The following UCHL5 variants were observed in gnomAD, a reference collection of about 807,000 sequenced individuals.
The protein encoded by UCHL5 is ubiquitin C-terminal hydrolase L5, also known as ubiquitin carboxyl-terminal hydrolase isozyme L5.
A neutral mutation model predicts 53.8 loss-of-function variants in UCHL5; 34 were observed. The observed-to-expected ratio is 0.63, with a 90% CI of 0.48 to 0.84. The LOEUF (loss-of-function observed/expected upper bound fraction) is 0.84. Among genes scored for constraint, UCHL5 ranks in the 40% least tolerant of loss-of-function variants. The pLI, the probability that UCHL5 is intolerant of heterozygous loss-of-function variation, is 0.00. For missense variants in UCHL5, 290 were observed against 385.6 expected, an observed-to-expected ratio of 0.75 and a Z score of 2.08; for synonymous variants, 111 against 126.3, an observed-to-expected ratio of 0.88 and a Z score of 0.81.
At chr1:193,059,973 A>T (rs760194849), upstream of UCHL5, 1 of 1,366,382 alleles carries the variant, frequency 7.3e-7, no homozygotes, top group Admixed American at 1.9e-5. The surrounding 1 kb of genome is among the most constrained non-coding windows in gnomAD (Gnocchi z 4.9). Flanking sequence ...CGGTAGGGAC[A>T]TCCTCGCTAG....
At chr1:193,057,957 G>A (rs1671198843) in intron 1 of UCHL5, among the ~76,000 whole-genome samples, 2 of 152,148 alleles carry the variant, frequency 1.3e-5, no homozygotes, top group African/African-American at 2.4e-5. Context: ...TTGGGTGGGC[G>A]CGTGGCTCAC....
At chr1:193,035,639 C>G (rs781625235) in intron 3 of UCHL5, among the ~76,000 whole-genome samples, 1 of 151,806 alleles carries the variant, frequency 6.6e-6, no homozygotes, top group Non-Finnish European at 1.5e-5. Flanking sequence ...TGCGCAAAAC[C>G]AAAACATTTT....
chr1:193,025,955 C>A (rs895400431), intron 7 of UCHL5, among the ~76,000 whole-genome samples: 1 of 151,890 alleles, frequency 6.6e-6, no homozygotes. Flanking sequence ...ATAAATGGAA[C>A]AATGGACAGA....
At chr1:193,049,565 C>T in intron 3 of UCHL5, 181 bp downstream of exon 3, 1 of 436,574 alleles carries the variant, frequency 2.3e-6, no homozygotes. Context: ...ATAGATAATC[C>T]CAGAAACAAA....
chr1:193,031,112 T>C (rs1661210645), intron 3 of UCHL5, among the ~76,000 whole-genome samples: 1 of 152,264 alleles, frequency 6.6e-6, no homozygotes, highest in African/African-American at 2.4e-5. Context: ...TTTAGTAAAT[T>C]TGGATGCAAA....
At chr1:193,023,531 T>G (rs1657948586) in intron 8 of UCHL5, among the ~76,000 whole-genome samples, 1 of 152,212 alleles carries the variant, frequency 6.6e-6, no homozygotes, top group Non-Finnish European at 1.5e-5. Flanking sequence ...CTAACACTTA[T>G]TTAGCATTTA....
chr1:193,019,050 A>G (rs972176337), intron 10 of UCHL5, among the ~76,000 whole-genome samples: 1 of 151,462 alleles, frequency 6.6e-6, no homozygotes, highest in South Asian at 2.1e-4. Flanking sequence ...TTTTTTCCAA[A>G]ATAAGATGAA....
chr1:193,044,375 T>C (rs917527442), intron 3 of UCHL5, among the ~76,000 whole-genome samples: 1 of 152,112 alleles, frequency 6.6e-6, no homozygotes, highest in African/African-American at 2.4e-5. Context: ...GCAGCATGAT[T>C]TTAAGCAAGT....
intron 3 of UCHL5, among the ~76,000 whole-genome samples, chr1:193,043,583 G>A (rs1666421578): frequency 6.6e-6 from 1 of 152,138 alleles, no homozygotes; most frequent in Non-Finnish European, 1.5e-5. Context: ...ATGCCTAAGA[G>A]TCTTTGTTTA....
At chr1:193,019,815 A>G in intron 10 of UCHL5, 1 of 927,796 alleles carries the variant, frequency 1.1e-6, no homozygotes, top group African/African-American at 1.8e-5. Flanking sequence ...TTCACAGATC[A>G]ATTTTAATGC....
chr1:193,059,669 C>G (rs759183061), upstream of UCHL5: 16 of 1,372,496 alleles, frequency 1.2e-5, no homozygotes, highest in South Asian at 2.3e-5. The surrounding 1 kb of genome is among the most constrained non-coding windows in gnomAD (Gnocchi z 4.9). Flanking sequence ...GTTGCTGTTG[C>G]TGTGGCTGTC....
In UCHL5 at chr1:193,016,865, A is replaced by G. The variant is rs1424500387; in HGVS notation, c.943-470T>C. Among the ~76,000 whole-genome samples, 5 of 151,950 alleles carry G rather than the reference A, an allele frequency of 3.3e-5. No individual in the cohort carries two copies. The South Asian group carries it at 1.0e-3, about 31-fold the overall frequency. ...AGGATTATGTATCCTTGGTGTCAAC[A>G]AACTTTATTTATATGACCTAAAAAA... On this transcript the variant is annotated intron_variant, in intron 10 of 10. Transcript: ENST00000367454.
chr1:193,029,375 A>G lies in UCHL5; in HGVS notation c.434+13T>C. The G allele has an allele frequency of 1.9e-6, 3 of 1,613,678 alleles. No individual in the cohort carries two copies. The highest frequency in any genetic ancestry group is 2.5e-6 in the Non-Finnish European group (3 of 1,179,810). Reference sequence around the variant, plus strand: ...GAAAGAAACAGTATTTATTTAACATAAAGTCTCTTTACCTGGCGAAACTGT... The same window carrying G: ...GAAAGAAACAGTATTTATTTAACATGAAGTCTCTTTACCTGGCGAAACTGT... On this transcript the variant is annotated intron_variant, in intron 5 of 10. Coordinates refer to ENST00000367454, the MANE Select transcript of UCHL5 (RefSeq NM_001199261.3).
intron 3 of UCHL5, among the ~76,000 whole-genome samples, chr1:193,036,727 T>G (rs1001180595): frequency 6.6e-6 from 1 of 152,062 alleles, no homozygotes; most frequent in Non-Finnish European, 1.5e-5. Context: ...ACACCGAGGA[T>G]AGACCATGTT....
intron 3 of UCHL5, among the ~76,000 whole-genome samples, chr1:193,031,479 T>C (rs975477945): frequency 6.6e-6 from 1 of 152,168 alleles, no homozygotes; most frequent in Non-Finnish European, 1.5e-5. Flanking sequence ...AATAATAATT[T>C]ACACTGTCCA....
Position 193,016,276 on chromosome 1 carries a change from C to A in UCHL5, c.*75G>T. The A allele has an allele frequency of 6.4e-7, 1 of 1,556,582 alleles. No homozygotes were observed. Among genetic ancestry groups the A allele is most frequent in the South Asian group, 1.2e-5 (1 of 83,700 alleles). On this transcript the variant is annotated 3_prime_UTR_variant, in exon 11 of 11. Transcript: ENST00000367454. Reference sequence around the variant, plus strand: ...GCACTGAGCCAATTAGGATGTTGCTCTAAGTTCTTTATACATAATGGTTTC... The same window carrying A: ...GCACTGAGCCAATTAGGATGTTGCTATAAGTTCTTTATACATAATGGTTTC...
chr1:193,060,039 C>T (rs781414755), upstream of UCHL5: 8 of 1,345,050 alleles, frequency 5.9e-6, no homozygotes, highest in African/African-American at 1.2e-4. Context: ...ACCGCTCCTG[C>T]TTGTCGGCAT....
chr1:193,028,093 C>T lies in UCHL5; in HGVS notation c.621G>A (p.Arg207=). ...ISAVRPVIEK[R]IQKYSEGEIR... is the part of the protein sequence containing the mutation. ...ATTAGCTGAGCATTTACTTTTGTATCCTTTTTTCTATGACAGGCCTTACTG... is the reference window on the plus strand; with the variant it reads ...ATTAGCTGAGCATTTACTTTTGTATTCTTTTTTCTATGACAGGCCTTACTG... The change falls in exon 7 of 11, where the codon AGG becomes AGA. Residue 207 remains arginine, a synonymous_variant. Transcript: ENST00000367454. 6.2e-7 allele frequency: 1 copy of T among 1,605,580 alleles called. No individual in the cohort carries two copies. Among genetic ancestry groups the T allele is most frequent in the Admixed American group, 1.7e-5 (1 of 57,318 alleles).
In UCHL5 at chr1:193,022,923, T is replaced by C. The variant is rs781535694; in HGVS notation, c.843+3A>G. The C allele has an allele frequency of 5.6e-6, 9 of 1,596,486 alleles. No individual in the cohort carries two copies. In the South Asian group the frequency reaches 6.6e-5, roughly 12 times the overall value. On this transcript the variant is annotated splice_donor_region_variant and intron_variant, in intron 9 of 10. Coordinates refer to ENST00000367454, the MANE Select transcript of UCHL5 (RefSeq NM_001199261.3). ...TTAAAGGAACACATTTTTAAAAACA[T>C]ACCTTGTATCTTTTTAATTTCTGTA... is the stretch of plus-strand genomic sequence containing the variant.
Sources: gnomAD v4.1 joint callset for allele counts (sites outside exome capture counted in the v4.1 genomes callset) on GRCh38, gnomAD v4.1.1 for gene constraint, Gnocchi (gnomAD v3.1) non-coding constraint, MANE v1.5 for transcripts, NCBI Gene and HGNC (gene_info 2026-07-23, HGNC 2026-07-21) for gene names.